The following SORL1 variants were observed in gnomAD, a reference collection of about 807,000 sequenced individuals.
SORL1 encodes sortilin-related receptor.
In SORL1, 127 loss-of-function variants were observed where a neutral mutation model predicts 273.7. The observed-to-expected ratio is 0.46, with a 90% CI of 0.40 to 0.54. The LOEUF (loss-of-function observed/expected upper bound fraction) is 0.54, where lower values mean the gene tolerates loss of function less well. SORL1 is among the 20% of genes least tolerant of loss of function. The pLI is 0.00. For missense variants in SORL1, 2,494 were observed against 2,846.1 expected (o/e 0.88, Z 2.81); for synonymous variants, 1,031 against 1,067.4 (o/e 0.97, Z 0.66).
At position 121,614,878 on chromosome 11, in the gene SORL1, T is replaced by C. The variant is rs1863616975; in HGVS notation, c.5427T>C (p.Asn1809=). 1 of 1,612,454 alleles carries C rather than the reference T, an allele frequency of 6.2e-7. No individual in the cohort carries two copies. The highest frequency in any genetic ancestry group is 1.1e-5 in the South Asian group (1 of 90,720). The change falls in exon 41 of 48, where the codon AAT becomes AAC. Residue 1809 remains asparagine (N), a synonymous_variant. Coordinates refer to ENST00000260197, the MANE Select transcript of SORL1 (RefSeq NM_003105.6). ...RGSILSHKVG[N]LTAHTSYEIS... ...CTTTTCCTGTTTTCACAGTTGGCAA[T>C]CTGACAGCTCATACATCCTATGAGA...
At chr11:121,559,716 G>A in intron 21 of SORL1, 59 bp downstream of exon 21, 1 of 1,544,868 alleles carries the variant, frequency 6.5e-7, no homozygotes, top group Non-Finnish European at 8.9e-7. Flanking sequence ...GGGGCTGCGT[G>A]TGGCCAATCT....
At chr11:121,620,997 T>C (rs760854082) in intron 43 of SORL1, 67 bp from the exon 44 acceptor site, 82 of 1,195,332 alleles carry the variant, frequency 6.9e-5, no homozygotes, top group Non-Finnish European at 8.6e-5. Context: ...TTGTCCACCA[T>C]TGAACTACAA....
intron 21 of SORL1, 135 bp downstream of exon 21, chr11:121,559,792 T>G: frequency 1.4e-6 from 1 of 709,836 alleles, no homozygotes; most frequent in East Asian, 2.8e-5. Flanking sequence ...TTATTTAATT[T>G]CTTCCTAATG....
In SORL1 at chr11:121,587,912, C is replaced by T. The variant is rs1863142547; in HGVS notation, c.3815-108C>T. 9.0e-6 allele frequency: 12 copies of T among 1,334,862 alleles called. No individual in the cohort carries two copies. The South Asian group carries it at 1.0e-4, about 12-fold the overall frequency. 82.7% of individuals were successfully genotyped at this position (1,334,862 alleles called of 1,614,324 possible). On this transcript the variant is annotated intron_variant, in intron 27 of 47. Transcript: ENST00000260197. The stretch of plus-strand genomic sequence containing the variant: ...AGTGCTCAATAAATTGTGGCTTTTA[C>T]TGTTGCTTCCTGAAGCCACATCTGT...
rs1862487019 is a variant in SORL1, at chr11:121,550,167, T to G, written c.2180+79T>G. On this transcript the variant is annotated intron_variant, in intron 15 of 47. Transcript: ENST00000260197. The surrounding 1 kb of genome is among the most constrained non-coding windows in gnomAD (Gnocchi z 5.3). ...GAGAGAGCATAGAGGACCGTCTGGATTGCTCTACACTCGAAATTCTAGAAT... is the reference window on the plus strand; with the variant it reads ...GAGAGAGCATAGAGGACCGTCTGGAGTGCTCTACACTCGAAATTCTAGAAT... 1.4e-6 allele frequency: 2 copies of G among 1,427,174 alleles called. No individual in the cohort carries two copies. The highest frequency in any genetic ancestry group is 1.9e-6 in the Non-Finnish European group (2 of 1,054,758). 88.4% of individuals were successfully genotyped at this position (1,427,174 alleles called of 1,614,324 possible).
chr11:121,549,987 T>C lies in SORL1; in HGVS notation c.2079T>C (p.Asp693=). The part of the protein sequence containing the change: ...ECDFGFKMSE[D]LSLEVCVPDP... The stretch of plus-strand genomic sequence containing the variant: ...ACTTCGGTTTCAAGATGAGTGAAGA[T>C]TTGTCATTAGAGGTTTGTGTTCCAG... The change falls in exon 15 of 48, where the codon GAT becomes GAC. Residue 693 remains aspartate, a synonymous_variant. Coordinates refer to ENST00000260197, the MANE Select transcript of SORL1 (RefSeq NM_003105.6). The C allele has an allele frequency of 6.2e-7, 1 of 1,613,682 alleles. No homozygotes were observed. The highest frequency in any genetic ancestry group is 8.5e-7 in the Non-Finnish European group (1 of 1,179,752).
At chr11:121,520,360 GCAGATTC>G (rs1461452038) in intron 8 of SORL1, among the ~76,000 whole-genome samples, 1 of 152,212 alleles carries the variant, frequency 6.6e-6, no homozygotes, top group African/African-American at 2.4e-5. Flanking sequence ...ACCACATATT[GCAGATTC>G]CATTTATATG....
chr11:121,610,784 G>A lies in SORL1; in HGVS notation c.5240-292G>A, dbSNP rs577000088. ...TGATCCCTGTTCCTTTAAGAACCAG[G>A]CTGAAGCTGGGCTGTTTTGGGACCT... On this transcript the variant is annotated intron_variant, in intron 38 of 47. Coordinates refer to ENST00000260197, the MANE Select transcript of SORL1 (RefSeq NM_003105.6). 26 of 289,434 alleles carry A rather than the reference G, an allele frequency of 9.0e-5. No homozygotes were observed. The South Asian group carries it at 1.4e-3, about 15-fold the overall frequency. 17.9% of individuals were successfully genotyped at this position (289,434 alleles called of 1,614,324 possible). A position where few individuals can be genotyped will look rare whatever the true frequency, so the allele number is the denominator to read the frequency against.
At chr11:121,499,705 TC>T (rs1279097802) in intron 6 of SORL1, among the ~76,000 whole-genome samples, 2 of 152,216 alleles carry the variant, frequency 1.3e-5, no homozygotes, top group African/African-American at 4.8e-5. Context: ...GATAATCCCC[TC>T]CCAGTAAGAG....
chr11:121,466,341 T>A (rs1006082682), intron 1 of SORL1, among the ~76,000 whole-genome samples: 1 of 151,948 alleles, frequency 6.6e-6, no homozygotes, highest in Admixed American at 6.6e-5. Context: ...GGAAAAAGGC[T>A]TGGGGAGGAG....
intron 1 of SORL1, among the ~76,000 whole-genome samples, chr11:121,469,047 T>C (rs1222781223): frequency 6.6e-6 from 1 of 152,206 alleles, no homozygotes; most frequent in Non-Finnish European, 1.5e-5. Flanking sequence ...CTCCGGGTTA[T>C]GAGAAGTTCA....
chr11:121,483,170 C>T (rs1282715708), intron 3 of SORL1, among the ~76,000 whole-genome samples: 3 of 152,236 alleles, frequency 2.0e-5, no homozygotes, highest in Admixed American at 6.5e-5. Flanking sequence ...ACTGTAACCT[C>T]AAATTCCTGG....
In SORL1 at chr11:121,452,475, C is replaced by T; in HGVS notation, c.144C>T (p.Phe48=). The T allele has an allele frequency of 1.3e-6, 2 of 1,504,152 alleles. No homozygotes were observed. The highest frequency in any genetic ancestry group is 1.8e-6 in the Non-Finnish European group (2 of 1,127,712). The allele number at this position is 1,504,152 out of a possible 1,614,324, so 93.2% of individuals were successfully genotyped here. A position where few individuals can be genotyped will look rare whatever the true frequency, so the allele number is the denominator to read the frequency against. The change falls in exon 1 of 48, where the codon TTC becomes TTT. Residue 48 remains phenylalanine (F), a synonymous_variant. Transcript: ENST00000260197. The surrounding 1 kb of genome is among the most constrained non-coding windows in gnomAD (Gnocchi z 5.3). Reference sequence around the variant, plus strand: ...CGCCCTTGCCCCAGGACCGGGGCTTCCTCGTGGTGCAGGGCGACCCGCGCG... The same window carrying T: ...CGCCCTTGCCCCAGGACCGGGGCTTTCTCGTGGTGCAGGGCGACCCGCGCG... ...GSAPLPQDRG[F]LVVQGDPREL... is the part of the protein sequence containing the mutation.
At chr11:121,629,241 T>G (rs1863840051) in intron 47 of SORL1, 4 of 486,408 alleles carry the variant, frequency 8.2e-6, no homozygotes. Flanking sequence ...TGAGAAGCTT[T>G]GTTTTCCTAA....
Position 121,554,051 on chromosome 11 carries a change from A to G in SORL1, c.2381A>G (p.Asp794Gly). 6.2e-7 allele frequency: 1 copy of G among 1,614,126 alleles called. No homozygotes were observed. Residue 794 changes from aspartate to glycine, a missense_variant, in exon 17 of 48, where the codon GAC becomes GGC. By Grantham distance (94) the Asp-to-Gly change is moderately conservative. Around this residue, in one of 3 missense-constraint regions of SORL1, gnomAD observed 710 missense variants for 882.5 expected, o/e 0.80. Transcript: ENST00000260197. The surrounding 1 kb of genome is among the most constrained non-coding windows in gnomAD (Gnocchi z 4.6). ...GGGCTACGGGCAGCAGTGGCCCTGG[A>G]CTTTGACTATGAGCACAACTGTTTG... ...LTGLRAAVAL[D>G]FDYEHNCLYW... is the part of the protein sequence containing the mutation.
intron 6 of SORL1, among the ~76,000 whole-genome samples, chr11:121,508,514 A>C (rs1861821924): frequency 6.6e-6 from 1 of 152,228 alleles, no homozygotes; most frequent in African/African-American, 2.4e-5. Flanking sequence ...ATCATGAACC[A>C]AGTCAGGCTA....
intron 28 of SORL1, among the ~76,000 whole-genome samples, chr11:121,588,407 G>T (rs1863154122): frequency 6.6e-6 from 1 of 152,262 alleles, no homozygotes; most frequent in Non-Finnish European, 1.5e-5. Flanking sequence ...TGTATAAGGG[G>T]CAGGATGGCG....
At chr11:121,544,434 G>A (rs967952270) in intron 13 of SORL1, among the ~76,000 whole-genome samples, 3 of 152,074 alleles carry the variant, frequency 2.0e-5, no homozygotes, top group Non-Finnish European at 2.9e-5. Flanking sequence ...TCTGTCACTC[G>A]GTGTGTTTCA....
At chr11:121,580,725 C>T (rs1448868882) in intron 25 of SORL1, among the ~76,000 whole-genome samples, 1 of 151,602 alleles carries the variant, frequency 6.6e-6, no homozygotes, top group Non-Finnish European at 1.5e-5. Context: ...CCGCCTTAGC[C>T]TCTTGAGTAG....
Sources: allele counts gnomAD v4.1 joint callset (sites outside exome capture counted in the v4.1 genomes callset), GRCh38; gene constraint gnomAD v4.1.1; regional missense constraint gnomAD v4.1.1; non-coding constraint Gnocchi (gnomAD v3.1); transcripts MANE v1.5; gene names NCBI Gene and HGNC (gene_info 2026-07-23, HGNC 2026-07-21).